The following TMC1 variants were observed in gnomAD, a reference collection of about 807,000 sequenced individuals.
TMC1 encodes transmembrane channel-like protein 1.
Under a neutral mutation model 105.8 loss-of-function variants are expected in TMC1, and 84 were observed. The observed-to-expected ratio is 0.79, with a 90% CI of 0.67 to 0.95. TMC1 has a LOEUF of 0.95. TMC1 is among the 40% of genes least tolerant of loss of function. TMC1 has a pLI of 0.00. For synonymous variants in TMC1, 315 were observed against 311.5 expected (o/e 1.01, Z -0.12); for missense variants, 817 against 914.1 (o/e 0.89, Z 1.37).
chr9:72,570,322 C>T (rs1022430282), intron 1 of TMC1, among the ~76,000 whole-genome samples: 1 of 151,230 alleles, frequency 6.6e-6, no homozygotes, highest in African/African-American at 2.4e-5. Context: ...CACTCCTTTT[C>T]AACATTTTGG....
intron 1 of TMC1, among the ~76,000 whole-genome samples, chr9:72,544,660 A>G (rs1335325932): frequency 6.6e-6 from 1 of 151,082 alleles, no homozygotes; most frequent in Non-Finnish European, 1.5e-5. Context: ...TTGTATTTTT[A>G]GTAGAAATGG....
At chr9:72,772,600 A>C in intron 13 of TMC1, 45 bp downstream of exon 13, 1 of 1,611,774 alleles carries the variant, frequency 6.2e-7, no homozygotes, top group Middle Eastern at 1.7e-4. Flanking sequence ...GATTTCTGGA[A>C]TCAAATGGAG....
intron 13 of TMC1, among the ~76,000 whole-genome samples, chr9:72,774,904 C>T (rs900494764): frequency 1.3e-5 from 2 of 152,166 alleles, no homozygotes; most frequent in African/African-American, 4.8e-5. Flanking sequence ...ACATACATTA[C>T]TCAAATGGAA....
chr9:72,826,132 C>A (rs995196377), intron 20 of TMC1, among the ~76,000 whole-genome samples: 5 of 152,150 alleles, frequency 3.3e-5, no homozygotes, highest in African/African-American at 1.2e-4. Context: ...TTTCGTAGTA[C>A]AATCAGTATG....
Position 72,791,991 on chromosome 9 carries a change from G to A in TMC1, c.1330G>A (p.Gly444Arg). Reference protein sequence around the residue: ...HPLIALKWLLGRIFALLLGNL... With the variant: ...HPLIALKWLLRRIFALLLGNL... Reference sequence around the variant, plus strand: ...TCTCATCGCTTTGAAATGGCTACTGGGACGCATTTTTGCTCTTCTTTTAGG... The same window carrying A: ...TCTCATCGCTTTGAAATGGCTACTGAGACGCATTTTTGCTCTTCTTTTAGG... Residue 444 changes from glycine to arginine, a missense_variant, in exon 16 of 24, where the codon GGA becomes AGA. By Grantham distance (125) the Gly-to-Arg change is moderately radical. Transcript: ENST00000297784. 2 of 1,613,924 alleles carry A rather than the reference G, an allele frequency of 1.2e-6. No homozygotes were observed. The highest frequency in any genetic ancestry group is 1.7e-6 in the Non-Finnish European group (2 of 1,179,940).
At chr9:72,783,516 G>A (rs1375692874) in intron 13 of TMC1, among the ~76,000 whole-genome samples, 1 of 152,082 alleles carries the variant, frequency 6.6e-6, no homozygotes, top group Non-Finnish European at 1.5e-5. Context: ...TAGCCACTGT[G>A]GCAGCTGATT....
chr9:72,563,410 A>G (rs1587959786), intron 1 of TMC1, among the ~76,000 whole-genome samples: 1 of 152,198 alleles, frequency 6.6e-6, no homozygotes, highest in African/African-American at 2.4e-5. Flanking sequence ...ATTAAACTCA[A>G]CTGCCAATAA....
At chr9:72,668,236 T>C (rs1299890658) in intron 5 of TMC1, among the ~76,000 whole-genome samples, 1 of 152,224 alleles carries the variant, frequency 6.6e-6, no homozygotes, top group Non-Finnish European at 1.5e-5. Flanking sequence ...ATGATGTTAT[T>C]TGTTTTCATA....
At chr9:72,727,056 A>G (rs1054274157) in intron 8 of TMC1, among the ~76,000 whole-genome samples, 1 of 152,256 alleles carries the variant, frequency 6.6e-6, no homozygotes, top group African/African-American at 2.4e-5. Flanking sequence ...GCTGAATGCT[A>G]GTATATCTAA....
At chr9:72,587,793 T>A (rs1432502397) in intron 2 of TMC1, among the ~76,000 whole-genome samples, 1 of 151,804 alleles carries the variant, frequency 6.6e-6, no homozygotes, top group Non-Finnish European at 1.5e-5. Context: ...TTTAATTTTT[T>A]TTTTTTTTTT....
intron 5 of TMC1, among the ~76,000 whole-genome samples, chr9:72,672,967 CATAA>C (rs888853950): frequency 6.6e-6 from 1 of 151,984 alleles, no homozygotes; most frequent in Non-Finnish European, 1.5e-5. Flanking sequence ...TATTCTAGGC[CATAA>C]ATAAATCTCA....
intron 10 of TMC1, among the ~76,000 whole-genome samples, chr9:72,743,649 A>G (rs970733239): frequency 6.6e-6 from 1 of 151,828 alleles, no homozygotes; most frequent in Non-Finnish European, 1.5e-5. Flanking sequence ...AGAATAAGCA[A>G]TAGTCATCCA....
intron 12 of TMC1, among the ~76,000 whole-genome samples, chr9:72,771,052 A>G (rs1827916880): frequency 6.6e-6 from 1 of 152,208 alleles, no homozygotes; most frequent in African/African-American, 2.4e-5. Context: ...TCAAGTTGGC[A>G]CATACAATTA....
intron 1 of TMC1, among the ~76,000 whole-genome samples, chr9:72,554,965 G>C (rs1441128346): frequency 2.0e-5 from 3 of 152,068 alleles, no homozygotes; most frequent in Non-Finnish European, 4.4e-5. Flanking sequence ...TGCAATCTCT[G>C]CTGCCCAGGT....
At chr9:72,807,596 G>T (rs1197677236) in intron 18 of TMC1, among the ~76,000 whole-genome samples, 2 of 152,216 alleles carry the variant, frequency 1.3e-5, no homozygotes, top group East Asian at 3.8e-4. Context: ...AGCAGGGAAA[G>T]ATGGCTAATA....
At chr9:72,820,400 G>A (rs1175212709) in intron 19 of TMC1, among the ~76,000 whole-genome samples, 2 of 152,140 alleles carry the variant, frequency 1.3e-5, no homozygotes, top group Non-Finnish European at 2.9e-5. Context: ...TAATGCAAAT[G>A]TACAGTTTTT....
intron 8 of TMC1, among the ~76,000 whole-genome samples, chr9:72,710,707 C>G (rs1190598303): frequency 7.0e-6 from 1 of 142,420 alleles, no homozygotes; most frequent in Non-Finnish European, 1.5e-5. Context: ...TAATTTTCCA[C>G]CCTTTTACCT....
chr9:72,598,124 C>A lies in TMC1; in HGVS notation c.-305-18244C>A, dbSNP rs182316341. On this transcript the variant is annotated intron_variant, in intron 2 of 23. Transcript: ENST00000297784. ...AACACAAAAGACAATCTTCAGCCAT[C>A]ACTATGTAGCTTGGCTATCATCTTT... Among the ~76,000 whole-genome samples, 571 of 152,328 alleles carry A rather than the reference C, an allele frequency of 3.7e-3. 3 individuals are homozygous for A. Among genetic ancestry groups the A allele is most frequent in the African/African-American group, 0.013 (539 of 41,578 alleles).
At position 72,582,023 on chromosome 9, in the gene TMC1, T is replaced by TCTCGGCTCACCGCAAC. The variant is rs545978209; in HGVS notation, c.-306+4004_-306+4019dup. Among the ~76,000 whole-genome samples the TCTCGGCTCACCGCAAC allele has an allele frequency of 5.2e-3, 798 of 152,324 alleles. 4 individuals carry two copies. Among genetic ancestry groups the TCTCGGCTCACCGCAAC allele is most frequent in the African/African-American group, 0.018 (746 of 41,564 alleles). ...CTCAGGATGAAGTGCAATGGCGCGA[T>TCTCGGCTCACCGCAAC]CTCGGCTCACCGCAACCTCCGCCTC... On this transcript the variant is annotated intron_variant, in intron 2 of 23. Transcript: ENST00000297784.
Sources: allele counts gnomAD v4.1 joint callset (sites outside exome capture counted in the v4.1 genomes callset), GRCh38; gene constraint gnomAD v4.1.1; transcripts MANE v1.5; gene names NCBI Gene and HGNC (gene_info 2026-07-23, HGNC 2026-07-21).